The following EML1 variants were observed in gnomAD, a reference collection of about 807,000 sequenced individuals.
EML1 encodes EMAP like 1.
EML1 carries 27 observed loss-of-function variants against 110.4 expected under a neutral mutation model. That is an observed-to-expected ratio of 0.24 (90% CI 0.18 to 0.34). EML1 has a LOEUF of 0.34. Among genes scored for constraint, EML1 ranks in the 10% least tolerant of loss-of-function variants. The pLI is 1.00. For missense variants in EML1, 741 were observed against 1,030.9 expected (o/e 0.72, Z 3.85); for synonymous variants, 344 against 385.8 (o/e 0.89, Z 1.27).
intron 1 of EML1, among the ~76,000 whole-genome samples, chr14:99,843,872 A>G (rs181227143): frequency 1.2e-4 from 18 of 152,336 alleles, no homozygotes; most frequent in African/African-American, 4.3e-4. Flanking sequence ...TTATTCACAC[A>G]TTAGAAGATT....
chr14:99,785,860 C>T (rs2057593313), intron 1 of EML1, among the ~76,000 whole-genome samples: 1 of 152,010 alleles, frequency 6.6e-6, no homozygotes, highest in South Asian at 2.1e-4. Context: ...GCAGGTATTT[C>T]CAAAGCACTG....
intron 1 of EML1, among the ~76,000 whole-genome samples, chr14:99,783,325 C>T (rs1271041958): frequency 6.6e-6 from 1 of 151,916 alleles, no homozygotes; most frequent in African/African-American, 2.4e-5. Flanking sequence ...ATGAACTCAT[C>T]ATTTTTTATG....
chr14:99,761,308 A>G (rs2057311492), intron 1 of EML1, among the ~76,000 whole-genome samples: 1 of 152,188 alleles, frequency 6.6e-6, no homozygotes, highest in East Asian at 1.9e-4. Flanking sequence ...TTGCCAGCAC[A>G]GGGCCTTCCC....
intron 1 of EML1, among the ~76,000 whole-genome samples, chr14:99,742,080 C>T (rs1403120001): frequency 3.3e-5 from 5 of 152,168 alleles, no homozygotes; most frequent in African/African-American, 7.2e-5. Flanking sequence ...GGCCAGCACA[C>T]GGCTCTGGAC....
At chr14:99,766,380 G>C (rs780523032) in intron 1 of EML1, among the ~76,000 whole-genome samples, 1 of 151,926 alleles carries the variant, frequency 6.6e-6, no homozygotes, top group Non-Finnish European at 1.5e-5. Flanking sequence ...TTTTAGTAGA[G>C]ACAGGGTTTC....
intron 1 of EML1, among the ~76,000 whole-genome samples, chr14:99,745,656 G>C (rs1481596005): frequency 6.6e-6 from 1 of 152,240 alleles, no homozygotes; most frequent in Non-Finnish European, 1.5e-5. Flanking sequence ...CATTCCTGCA[G>C]TATTCAGCTC....
At chr14:99,911,696 TG>T in intron 13 of EML1, 120 bp downstream of exon 13, 1 of 1,078,018 alleles carries the variant, frequency 9.3e-7, no homozygotes, top group African/African-American at 1.6e-5. Flanking sequence ...TCACATTATA[TG>T]GGAGCAATGT....
chr14:99,914,939 T>G lies in EML1; in HGVS notation c.1752+242T>G. On this transcript the variant is annotated intron_variant, in intron 15 of 21. Coordinates refer to ENST00000262233, the MANE Select transcript of EML1 (RefSeq NM_004434.3). ...AATTTTCTGACAAGAAGTTGTTCTT[T>G]CTGAGTTCATTGTCAGATTTTCTGA... is the stretch of plus-strand genomic sequence containing the variant. The G allele has an allele frequency of 5.8e-6, 3 of 521,088 alleles. No homozygotes were observed. In the South Asian group the frequency reaches 6.7e-5, roughly 12 times the overall value. 32.3% of individuals were successfully genotyped at this position (521,088 alleles called of 1,614,324 possible).
At chr14:99,807,409 A>G (rs908873592) in intron 1 of EML1, among the ~76,000 whole-genome samples, 2 of 152,188 alleles carry the variant, frequency 1.3e-5, no homozygotes, top group African/African-American at 2.4e-5. Flanking sequence ...GCAGGAAGCA[A>G]TGGTGCCCTC....
At chr14:99,774,873 A>G (rs189458985) in intron 1 of EML1, among the ~76,000 whole-genome samples, 5 of 152,362 alleles carry the variant, frequency 3.3e-5, no homozygotes, top group Admixed American at 2.6e-4. Context: ...TTTTAATTGC[A>G]AAACCCACTG....
At chr14:99,895,004 G>T (rs1035728730) in intron 6 of EML1, among the ~76,000 whole-genome samples, 2 of 152,186 alleles carry the variant, frequency 1.3e-5, no homozygotes, top group Non-Finnish European at 2.9e-5. Context: ...ATTCCTGAAC[G>T]AAATAGCTGT....
At chr14:99,902,555 G>A (rs1161344445) in intron 9 of EML1, among the ~76,000 whole-genome samples, 1 of 152,184 alleles carries the variant, frequency 6.6e-6, no homozygotes, top group Non-Finnish European at 1.5e-5. Context: ...TAACAGGACT[G>A]ATTAGTTTGG....
intron 3 of EML1, among the ~76,000 whole-genome samples, chr14:99,870,675 A>T (rs2059183102): frequency 1.3e-5 from 2 of 152,222 alleles, no homozygotes; most frequent in Admixed American, 6.5e-5. Context: ...CTTAAGAATG[A>T]TGCTAAATCT....
At chr14:99,847,276 C>T (rs2058721257) in intron 1 of EML1, among the ~76,000 whole-genome samples, 1 of 152,196 alleles carries the variant, frequency 6.6e-6, no homozygotes, top group African/African-American at 2.4e-5. Flanking sequence ...CTATTGTTAG[C>T]TACCGTTTTC....
chr14:99,782,481 C>T (rs1274744660), intron 1 of EML1, among the ~76,000 whole-genome samples: 1 of 152,122 alleles, frequency 6.6e-6, no homozygotes, highest in East Asian at 1.9e-4. Context: ...TGCATTGTTC[C>T]CCATTGTGTC....
At chr14:99,761,209 A>G (rs1262810621) in intron 1 of EML1, among the ~76,000 whole-genome samples, 1 of 152,100 alleles carries the variant, frequency 6.6e-6, no homozygotes, top group African/African-American at 2.4e-5. Flanking sequence ...CAGAGTCAGG[A>G]TTGGAACTCA....
At position 99,797,887 on chromosome 14, in the gene EML1, G is replaced by A. The variant is rs1348584782; in HGVS notation, c.67+4344G>A. Among the ~76,000 whole-genome samples the A allele has an allele frequency of 1.4e-3, 207 of 152,162 alleles. 2 individuals carry two copies. The highest frequency in any genetic ancestry group is 5.9e-5 in the Non-Finnish European group (4 of 68,020). On this transcript the variant is annotated intron_variant, in intron 1 of 21. Coordinates refer to ENST00000262233, the MANE Select transcript of EML1 (RefSeq NM_004434.3). ...GAGCTGGCATAGCTGACAGGGAGTGGGGAGAGGATGGTGCTTTGGCCCTCC... is the reference window on the plus strand; with the variant it reads ...GAGCTGGCATAGCTGACAGGGAGTGAGGAGAGGATGGTGCTTTGGCCCTCC...
At chr14:99,808,035 A>G (rs1486250417) in intron 1 of EML1, among the ~76,000 whole-genome samples, 1 of 152,166 alleles carries the variant, frequency 6.6e-6, no homozygotes, top group Non-Finnish European at 1.5e-5. Flanking sequence ...CCCGGCCTAC[A>G]GACTATCCCT....
In EML1 at chr14:99,898,222, C is replaced by A; in HGVS notation, c.828-11C>A. 6.3e-7 allele frequency: 1 copy of A among 1,578,194 alleles called. No individual in the cohort carries two copies. The highest frequency in any genetic ancestry group is 8.6e-7 in the Non-Finnish European group (1 of 1,158,980). On this transcript the variant is annotated splice_polypyrimidine_tract_variant and intron_variant, in intron 7 of 21. Transcript: ENST00000262233. ...CAACATGTAGATGTTTTGTAAATAT[C>A]CTTTTCTTAGCCTAGCAGTTCATCC...
Sources: gnomAD v4.1 joint callset for allele counts (sites outside exome capture counted in the v4.1 genomes callset) on GRCh38, gnomAD v4.1.1 for gene constraint, MANE v1.5 for transcripts, NCBI Gene and HGNC (gene_info 2026-07-23, HGNC 2026-07-21) for gene names.